Variants in TMC2 observed in about 807,000 individuals in gnomAD.
TMC2 encodes the protein transmembrane channel-like protein 2.
In TMC2, 102 loss-of-function variants were observed where a neutral mutation model predicts 105.9. The observed-to-expected ratio is 0.96, with a 90% CI of 0.82 to 1.14. The LOEUF is 1.14. TMC2 is among the 50% of genes most tolerant of loss of function. TMC2 has a pLI of 0.00. For synonymous variants in TMC2, 402 were observed against 422.8 expected, an observed-to-expected ratio of 0.95 and a Z score of 0.60; for missense variants, 1,093 against 1,134.3, an observed-to-expected ratio of 0.96 and a Z score of 0.52.
At chr20:2,548,934 G>T (rs950379071) in intron 2 of TMC2, among the ~76,000 whole-genome samples, 1 of 152,112 alleles carries the variant, frequency 6.6e-6, no homozygotes, top group Non-Finnish European at 1.5e-5. Context: ...GAATAAAAAC[G>T]TAAGCTAGTC....
intron 19 of TMC2, 41 bp downstream of exon 19, chr20:2,637,632 A>G: frequency 2.2e-6 from 3 of 1,389,764 alleles, no homozygotes; most frequent in South Asian, 2.3e-5. Context: ...ACAAGGCCAC[A>G]TGGAAAGGTG....
At chr20:2,543,675 A>C (rs1329555531) in intron 2 of TMC2, among the ~76,000 whole-genome samples, 1 of 152,198 alleles carries the variant, frequency 6.6e-6, no homozygotes, top group East Asian at 1.9e-4. Flanking sequence ...TAATACAGAC[A>C]CTAAGGTATA....
At chr20:2,557,159 C>T (rs1439308928) in intron 2 of TMC2, among the ~76,000 whole-genome samples, 3 of 152,154 alleles carry the variant, frequency 2.0e-5, no homozygotes, top group Admixed American at 6.5e-5. Context: ...ATTATTAATT[C>T]AAATATTTCT....
intron 2 of TMC2, among the ~76,000 whole-genome samples, chr20:2,553,743 T>C (rs185472221): frequency 1.3e-5 from 2 of 152,344 alleles, no homozygotes; most frequent in Admixed American, 1.3e-4. Flanking sequence ...ATTTCTTTAA[T>C]AAATATAGGC....
intron 5 of TMC2, among the ~76,000 whole-genome samples, chr20:2,576,415 C>T (rs974086735): frequency 6.6e-6 from 1 of 152,152 alleles, no homozygotes; most frequent in Admixed American, 6.6e-5. Context: ...CTTTTCAGTC[C>T]GAGATATCCA....
chr20:2,573,856 G>A (rs549474639), intron 5 of TMC2, among the ~76,000 whole-genome samples: 3 of 152,148 alleles, frequency 2.0e-5, no homozygotes, highest in East Asian at 1.9e-4. Flanking sequence ...CACCACGCCC[G>A]GCCTCTCTCT....
rs2422814 is a variant in TMC2 at position 2,642,041 on chromosome 20, C to T, written c.*690C>T. Among the ~76,000 whole-genome samples, 113,879 of 151,896 alleles carry T rather than the reference C, an allele frequency of 0.75. 42,847 individuals carry two copies. Among genetic ancestry groups the T allele is most frequent in the East Asian group, 0.87 (4,476 of 5,164 alleles). On this transcript the variant is annotated 3_prime_UTR_variant, in exon 20 of 20. Coordinates refer to ENST00000358864, the MANE Select transcript of TMC2 (RefSeq NM_080751.3). Reference sequence around the variant, plus strand: ...CAGAGGTTGCAGTTAGCTAAGATCACGTCACTGCACTCCAGTCTGGGCAAC... The same window carrying T: ...CAGAGGTTGCAGTTAGCTAAGATCATGTCACTGCACTCCAGTCTGGGCAAC...
At chr20:2,587,312 T>C (rs750497763) in intron 7 of TMC2, among the ~76,000 whole-genome samples, 9 of 152,202 alleles carry the variant, frequency 5.9e-5, no homozygotes, top group Non-Finnish European at 1.0e-4. Flanking sequence ...GTGAATTATA[T>C]TGATTTATTT....
At chr20:2,570,786 T>C (rs1160824193) in intron 4 of TMC2, among the ~76,000 whole-genome samples, 1 of 152,108 alleles carries the variant, frequency 6.6e-6, no homozygotes. Context: ...AGCACAGTAC[T>C]GGTACAAAAA....
chr20:2,565,579 A>C (rs742839), intron 4 of TMC2, among the ~76,000 whole-genome samples: 78,952 of 151,988 alleles, frequency 0.52, 20,777 homozygotes, highest in South Asian at 0.62. Flanking sequence ...CGAGAACGCA[A>C]CCCCTTTGCT....
At chr20:2,571,216 C>G (rs1398399469) in intron 4 of TMC2, among the ~76,000 whole-genome samples, 15 of 152,122 alleles carry the variant, frequency 9.9e-5, no homozygotes, top group Admixed American at 9.8e-4. Context: ...AACAGACAAC[C>G]TACAGAATGG....
In TMC2 at chr20:2,604,400, A is replaced by G. The variant is rs182417865; in HGVS notation, c.1413+2099A>G. On this transcript the variant is annotated intron_variant, in intron 11 of 19. Transcript: ENST00000358864. ...TGAGAGAGGGCGGAACAATTTCACTATGGGCTTAATGCTTTTTGACATGAG... is the reference window on the plus strand; with the variant it reads ...TGAGAGAGGGCGGAACAATTTCACTGTGGGCTTAATGCTTTTTGACATGAG... Among the ~76,000 whole-genome samples the G allele has an allele frequency of 1.2e-3, 183 of 152,302 alleles. 3 individuals are homozygous for G. The highest frequency in any genetic ancestry group is 4.3e-3 in the African/African-American group (179 of 41,560).
chr20:2,595,046 C>G, intron 9 of TMC2, 79 bp downstream of exon 9: 2 of 1,477,178 alleles, frequency 1.4e-6, no homozygotes, highest in Non-Finnish European at 1.8e-6. Flanking sequence ...GCCTACCTCC[C>G]TTCTGGTGGG....
At chr20:2,621,871 T>G (rs1040665645) in intron 16 of TMC2, among the ~76,000 whole-genome samples, 7 of 152,142 alleles carry the variant, frequency 4.6e-5, no homozygotes, top group African/African-American at 1.7e-4. Context: ...GATATTAAAT[T>G]TGTATTGTTT....
At chr20:2,562,389 C>T (rs1255766640) in intron 4 of TMC2, among the ~76,000 whole-genome samples, 1 of 152,258 alleles carries the variant, frequency 6.6e-6, no homozygotes, top group Non-Finnish European at 1.5e-5. Context: ...TCTCATGTTC[C>T]TGGAGCACCC....
In TMC2 at chr20:2,558,964, G is replaced by A. The variant is rs903634654; in HGVS notation, c.401+190G>A. 2.0e-5 allele frequency among the ~76,000 whole-genome samples: 3 copies of A among 152,182 alleles called. No homozygotes were observed. Among genetic ancestry groups the A allele is most frequent in the African/African-American group, 4.8e-5 (2 of 41,464 alleles). On this transcript the variant is annotated intron_variant, in intron 3 of 19. Coordinates refer to ENST00000358864, the MANE Select transcript of TMC2 (RefSeq NM_080751.3). The surrounding 1 kb of genome is among the most constrained non-coding windows in gnomAD (Gnocchi z 4.6). ...GCGGTGGGTTCTTCATCCCAGAACCGGGATGAAGATCGCGGGTCCGCGCGG... is the reference window on the plus strand; with the variant it reads ...GCGGTGGGTTCTTCATCCCAGAACCAGGATGAAGATCGCGGGTCCGCGCGG...
At position 2,617,165 on chromosome 20, in the gene TMC2, C is replaced by T; in HGVS notation, c.2034C>T (p.Ser678=). ...TCCAGTGCTGGGCGGTGATGAGCAG[C>T]AACGTACCCCATGAACGCGTGTTCA... ...MYFQCWAVMS[S]NVPHERVFKA... The change falls in exon 16 of 20, where the codon AGC becomes AGT. Residue 678 remains serine, a synonymous_variant. Coordinates refer to ENST00000358864, the MANE Select transcript of TMC2 (RefSeq NM_080751.3). 6.2e-7 allele frequency: 1 copy of T among 1,614,236 alleles called. No individual in the cohort carries two copies. Among genetic ancestry groups the T allele is most frequent in the Non-Finnish European group, 8.5e-7 (1 of 1,180,052 alleles).
At chr20:2,567,536 T>C (rs1290355251) in intron 4 of TMC2, among the ~76,000 whole-genome samples, 1 of 152,176 alleles carries the variant, frequency 6.6e-6, no homozygotes, top group Non-Finnish European at 1.5e-5. Flanking sequence ...GTTAGAATTG[T>C]CTGACAAAGG....
In TMC2 at chr20:2,620,733, G is replaced by A. The variant is rs141161247; in HGVS notation, c.2180+3422G>A. Among the ~76,000 whole-genome samples, 111 of 152,314 alleles carry A rather than the reference G, an allele frequency of 7.3e-4. 1 individual carries two copies. The Middle Eastern group carries it at 0.017, about 23-fold the overall frequency. On this transcript the variant is annotated intron_variant, in intron 16 of 19. Transcript: ENST00000358864. ...TGTGCTATCCTTCAAGAAGAAGGAA[G>A]GGTGGAAGTGTTCTTCCAAGGGCAG...
Sources: gnomAD v4.1 joint callset for allele counts (sites outside exome capture counted in the v4.1 genomes callset) on GRCh38, gnomAD v4.1.1 for gene constraint, Gnocchi (gnomAD v3.1) non-coding constraint, MANE v1.5 for transcripts, NCBI Gene and HGNC (gene_info 2026-07-23, HGNC 2026-07-21) for gene names.